The following HS3ST4 variants were observed in gnomAD, a reference collection of about 807,000 sequenced individuals.
HS3ST4 encodes heparan sulfate-glucosamine 3-sulfotransferase 4, also known as heparan sulfate glucosamine 3-O-sulfotransferase 4.
HS3ST4 carries 17 observed loss-of-function variants against 29.2 expected under a neutral mutation model. That is an observed-to-expected ratio of 0.58 (90% CI 0.40 to 0.87). The LOEUF (loss-of-function observed/expected upper bound fraction) is 0.87. HS3ST4 is among the 40% of genes least tolerant of loss of function. The probability of loss-of-function intolerance (pLI) is 0.00; values close to 1 mark genes in which losing one functional copy is unlikely to be tolerated. For missense variants in HS3ST4, 627 were observed against 634.5 expected (o/e 0.99, Z 0.13); for synonymous variants, 314 against 285.7 (o/e 1.10, Z -1.00).
intron 1 of HS3ST4, among the ~76,000 whole-genome samples, chr16:25,741,051 T>A (rs2141597576): frequency 6.6e-6 from 1 of 152,260 alleles, no homozygotes; most frequent in East Asian, 1.9e-4. Flanking sequence ...TGTGTGTGTG[T>A]GTCTGTATGT....
chr16:26,073,792 GGTTTGAATTTGGTTTCTGACA>G (rs1290098964), intron 1 of HS3ST4, among the ~76,000 whole-genome samples: 3 of 152,130 alleles, frequency 2.0e-5, no homozygotes, highest in Non-Finnish European at 4.4e-5. Flanking sequence ...AAATATCCTG[GGTTTGAATTTGGTTTCTGACA>G]GTTGCTACCT....
intron 1 of HS3ST4, among the ~76,000 whole-genome samples, chr16:25,985,887 G>A (rs1318591290): frequency 2.6e-5 from 4 of 152,086 alleles, no homozygotes; most frequent in African/African-American, 2.4e-5. Context: ...GTCTCACTGT[G>A]TTGCCCATGC....
intron 1 of HS3ST4, among the ~76,000 whole-genome samples, chr16:26,128,087 C>A (rs1171909390): frequency 4.6e-5 from 7 of 152,128 alleles, no homozygotes; most frequent in Non-Finnish European, 7.3e-5. Flanking sequence ...CCTCTTCCTC[C>A]TTTCCTCTTC....
intron 1 of HS3ST4, among the ~76,000 whole-genome samples, chr16:26,100,736 TA>T (rs1898980564): frequency 6.6e-6 from 1 of 152,206 alleles, no homozygotes; most frequent in South Asian, 2.1e-4. Flanking sequence ...AATATGAATC[TA>T]AAAGAAATTT....
intron 1 of HS3ST4, among the ~76,000 whole-genome samples, chr16:25,728,555 T>G (rs1286116463): frequency 6.6e-6 from 1 of 152,100 alleles, no homozygotes; most frequent in Non-Finnish European, 1.5e-5. Flanking sequence ...ATGATGATGA[T>G]GATTAGGGAA....
chr16:25,830,866 C>T (rs994012229), intron 1 of HS3ST4, among the ~76,000 whole-genome samples: 3 of 152,074 alleles, frequency 2.0e-5, no homozygotes, highest in Admixed American at 6.6e-5. Flanking sequence ...ATTTTTAATC[C>T]GTTCACACAG....
At chr16:25,715,566 G>A (rs1377699737) in intron 1 of HS3ST4, among the ~76,000 whole-genome samples, 1 of 152,148 alleles carries the variant, frequency 6.6e-6, no homozygotes, top group Non-Finnish European at 1.5e-5. Context: ...GCATGAAAGG[G>A]AAAAAAAGCA....
chr16:25,847,949 C>G (rs1266396084), intron 1 of HS3ST4, among the ~76,000 whole-genome samples: 1 of 152,016 alleles, frequency 6.6e-6, no homozygotes, highest in Non-Finnish European at 1.5e-5. Flanking sequence ...GTCTTTACTG[C>G]TGGTAAAATA....
At chr16:26,078,819 C>T (rs893252580) in intron 1 of HS3ST4, among the ~76,000 whole-genome samples, 5 of 152,220 alleles carry the variant, frequency 3.3e-5, no homozygotes, top group Non-Finnish European at 7.3e-5. Context: ...TCTTTAACCA[C>T]GATGCTGTAT....
chr16:26,073,739 C>T (rs1898627967), intron 1 of HS3ST4, among the ~76,000 whole-genome samples: 1 of 152,182 alleles, frequency 6.6e-6, no homozygotes. Context: ...CATTTGTTTG[C>T]TATTCTGTCA....
At chr16:25,949,619 A>G (rs1254946445) in intron 1 of HS3ST4, among the ~76,000 whole-genome samples, 2 of 152,192 alleles carry the variant, frequency 1.3e-5, no homozygotes, top group South Asian at 4.1e-4. Flanking sequence ...TACAGCATAG[A>G]CAAGTGGAGA....
At chr16:26,018,832 G>GA (rs10624019) in intron 1 of HS3ST4, among the ~76,000 whole-genome samples, 4,737 of 136,580 alleles carry the variant, frequency 0.035, 221 homozygotes, top group African/African-American at 0.11. Flanking sequence ...CCTCCTCATG[G>GA]AAAAAAAAAA....
chr16:25,842,158 C>T (rs950400630), intron 1 of HS3ST4, among the ~76,000 whole-genome samples: 4 of 152,208 alleles, frequency 2.6e-5, no homozygotes, highest in Non-Finnish European at 5.9e-5. Context: ...AGAAGTGGCT[C>T]AGTTGAGGTT....
At chr16:25,779,546 A>G (rs991914471) in intron 1 of HS3ST4, among the ~76,000 whole-genome samples, 3 of 152,202 alleles carry the variant, frequency 2.0e-5, no homozygotes, top group African/African-American at 7.2e-5. Flanking sequence ...TCATGCTTGG[A>G]GTGTGTCAGA....
chr16:25,692,790 G>A lies in HS3ST4; in HGVS notation c.373G>A (p.Gly125Ser). ...PEQPAAPGTD[G>S]WGLPSGGGGA... ...GCAGCCAGCCGCCCCCGGGACCGAC[G>A]GCTGGGGGCTGCCGAGCGGCGGCGG... Residue 125 changes from glycine to serine, a missense_variant, in exon 1 of 2, where the codon GGC becomes AGC. Around this residue, in one of 2 missense-constraint regions of HS3ST4, gnomAD observed 402 missense variants for 340.8 expected, o/e 1.18. Transcript: ENST00000331351. 7.3e-7 allele frequency: 1 copy of A among 1,365,562 alleles called. No homozygotes were observed. The highest frequency in any genetic ancestry group is 1.8e-5 in the South Asian group (1 of 55,804). 84.6% of individuals were successfully genotyped at this position (1,365,562 alleles called of 1,614,324 possible).
At chr16:26,108,839 T>G (rs1182650421) in intron 1 of HS3ST4, among the ~76,000 whole-genome samples, 1 of 152,186 alleles carries the variant, frequency 6.6e-6, no homozygotes, top group Non-Finnish European at 1.5e-5. Context: ...GCAGAGTGGC[T>G]GGCATATAGT....
chr16:25,907,798 C>T (rs548796639), intron 1 of HS3ST4, among the ~76,000 whole-genome samples: 3 of 152,342 alleles, frequency 2.0e-5, no homozygotes, highest in East Asian at 3.9e-4. Context: ...TTGATTTTCA[C>T]AGAACCTGGA....
At chr16:25,872,786 C>T (rs1003355901) in intron 1 of HS3ST4, among the ~76,000 whole-genome samples, 12 of 152,160 alleles carry the variant, frequency 7.9e-5, no homozygotes, top group African/African-American at 2.7e-4. Flanking sequence ...ACTACAAAAG[C>T]ATATGTTAAA....
intron 1 of HS3ST4, among the ~76,000 whole-genome samples, chr16:26,040,805 A>C (rs1969630803): frequency 6.6e-6 from 1 of 151,960 alleles, no homozygotes; most frequent in African/African-American, 2.4e-5. Context: ...ATCACTATTC[A>C]TTTATACTTC....
Sources: allele counts gnomAD v4.1 joint callset (sites outside exome capture counted in the v4.1 genomes callset), GRCh38; gene constraint gnomAD v4.1.1; regional missense constraint gnomAD v4.1.1; transcripts MANE v1.5; gene names NCBI Gene and HGNC (gene_info 2026-07-23, HGNC 2026-07-21).